Variants in SAMTOR observed in about 807,000 individuals in gnomAD.
The protein encoded by SAMTOR is UPF0532 protein C7orf60.
the SAMTOR span, among the ~76,000 whole-genome samples, chr7:112,933,975 G>C: frequency 6.6e-6 from 1 of 152,046 alleles, no homozygotes; most frequent in Non-Finnish European, 1.5e-5. Context: ...GAAAGACTGG[G>C]ACTCTTTGAA....
the SAMTOR span, among the ~76,000 whole-genome samples, chr7:112,906,627 G>A: frequency 2.7e-5 from 4 of 149,338 alleles, no homozygotes; most frequent in African/African-American, 7.4e-5. Context: ...GGAGTGCAGT[G>A]GTGCGATCTT....
the SAMTOR span, among the ~76,000 whole-genome samples, chr7:112,843,644 T>C: frequency 6.6e-6 from 1 of 151,896 alleles, no homozygotes; most frequent in Admixed American, 6.6e-5. Context: ...GTTGAATCAG[T>C]AATAAGTAGC....
the SAMTOR span, among the ~76,000 whole-genome samples, chr7:112,822,557 A>C: frequency 6.6e-6 from 1 of 152,158 alleles, no homozygotes; most frequent in Non-Finnish European, 1.5e-5. Context: ...ATCTCAAAGT[A>C]ATTAAGTCCA....
the SAMTOR span, among the ~76,000 whole-genome samples, chr7:112,905,185 A>G: frequency 6.6e-6 from 1 of 152,234 alleles, no homozygotes; most frequent in South Asian, 2.1e-4. Context: ...AAAAAGGTCA[A>G]TAACAGCTCT....
the SAMTOR span, among the ~76,000 whole-genome samples, chr7:112,922,889 GCC>G: frequency 0.027 from 2,599 of 96,376 alleles, 85 homozygotes; most frequent in Middle Eastern, 0.054. Context: ...GGGGGGGTCA[GCC>G]CCCCCCCCCC....
chr7:112,873,961 GTCACTAA>G, the SAMTOR span, among the ~76,000 whole-genome samples: 1 of 151,982 alleles, frequency 6.6e-6, no homozygotes, highest in Non-Finnish European at 1.5e-5. Context: ...AATGTTCCAC[GTCACTAA>G]TCATCAGAAA....
the SAMTOR span, among the ~76,000 whole-genome samples, chr7:112,938,589 T>C: frequency 6.6e-6 from 1 of 152,210 alleles, no homozygotes; most frequent in Non-Finnish European, 1.5e-5. Flanking sequence ...CTGCTGACTT[T>C]TCAGTTTGCA....
At chr7:112,920,230 G>A in the SAMTOR span, among the ~76,000 whole-genome samples, 2 of 151,998 alleles carry the variant, frequency 1.3e-5, no homozygotes, top group Admixed American at 6.6e-5. Context: ...ATCCAGCAGT[G>A]CATCAAAAAG....
chr7:112,896,888 G>C, the SAMTOR span, among the ~76,000 whole-genome samples: 2 of 152,140 alleles, frequency 1.3e-5, no homozygotes, highest in Non-Finnish European at 2.9e-5. Flanking sequence ...TTTCTAGGCA[G>C]AAAGGACAGC....
chr7:112,854,270 CT>C, the SAMTOR span, among the ~76,000 whole-genome samples: 1 of 152,196 alleles, frequency 6.6e-6, no homozygotes, highest in African/African-American at 2.4e-5. Flanking sequence ...CCCTGAAATA[CT>C]GACTGGTTAA....
chr7:112,847,140 T>C, the SAMTOR span, among the ~76,000 whole-genome samples: 2 of 152,328 alleles, frequency 1.3e-5, no homozygotes, highest in African/African-American at 4.8e-5. Context: ...CTAATCCTTA[T>C]GCAAATTCTC....
chr7:112,846,050 A>T, the SAMTOR span, among the ~76,000 whole-genome samples: 2 of 151,830 alleles, frequency 1.3e-5, no homozygotes, highest in East Asian at 3.9e-4. Flanking sequence ...ACTGGGGCCT[A>T]CTTTAAGGGC....
At chr7:112,846,821 G>A in the SAMTOR span, among the ~76,000 whole-genome samples, 1 of 151,976 alleles carries the variant, frequency 6.6e-6, no homozygotes, top group South Asian at 2.1e-4. Context: ...ATGCTTTTTG[G>A]AATATGAGCA....
chr7:112,935,116 A>AGG, the SAMTOR span: 1 of 338,272 alleles, frequency 3.0e-6, no homozygotes, highest in South Asian at 2.3e-5. Context: ...ATATTCTATC[A>AGG]CAAAAAGCTT....
chr7:112,881,450 C>G, the SAMTOR span, among the ~76,000 whole-genome samples: 1 of 152,088 alleles, frequency 6.6e-6, no homozygotes, highest in Non-Finnish European at 1.5e-5. Context: ...TGCCAATGGC[C>G]CAGTCAGCAC....
At chr7:112,884,406 T>C in the SAMTOR span, among the ~76,000 whole-genome samples, 1 of 152,308 alleles carries the variant, frequency 6.6e-6, no homozygotes, top group Admixed American at 6.5e-5. Flanking sequence ...AAGTCCCTTC[T>C]GCCTACGAGC....
chr7:112,923,416 C>T, the SAMTOR span, among the ~76,000 whole-genome samples: 1 of 152,032 alleles, frequency 6.6e-6, no homozygotes, highest in African/African-American at 2.4e-5. Context: ...CTTCCCTCCA[C>T]TATTGTCCTA....
chr7:112,939,824 A>G, the SAMTOR span: 1 of 1,221,808 alleles, frequency 8.2e-7, no homozygotes, highest in Non-Finnish European at 1.1e-6. Context: ...GTGGGGTAGG[A>G]GGAGGGAGCT....
chr7:112,878,479 T>C, the SAMTOR span, among the ~76,000 whole-genome samples: 2 of 152,278 alleles, frequency 1.3e-5, no homozygotes, highest in East Asian at 3.9e-4. Context: ...CACACTGAGA[T>C]TTGCTGTGCT....
Sources: allele counts gnomAD v4.1 joint callset (sites outside exome capture counted in the v4.1 genomes callset), GRCh38; gene constraint gnomAD v4.1.1; transcripts MANE v1.5; gene names NCBI Gene and HGNC (gene_info 2026-07-23, HGNC 2026-07-21).